The following IGFN1 variants were observed in gnomAD, a reference collection of about 807,000 sequenced individuals.
IGFN1 encodes the protein immunoglobulin like and fibronectin type III domain containing 1.
A neutral mutation model predicts 289.5 loss-of-function variants in IGFN1; 253 were observed. The observed-to-expected ratio is 0.87, with a 90% CI of 0.79 to 0.97. The LOEUF is 0.97. IGFN1 is among the 50% of genes least tolerant of loss of function. IGFN1 has a pLI of 0.00. For synonymous variants in IGFN1, 1,706 were observed against 1,788.5 expected, an observed-to-expected ratio of 0.95 and a Z score of 1.16; for missense variants, 4,470 against 4,686.1, an observed-to-expected ratio of 0.95 and a Z score of 1.35.
chr1:201,214,183 T>C lies in IGFN1; in HGVS notation c.8735T>C (p.Met2912Thr). 1.9e-6 allele frequency: 3 copies of C among 1,612,184 alleles called. No homozygotes were observed. Among genetic ancestry groups the C allele is most frequent in the Non-Finnish European group, 1.7e-6 (2 of 1,179,112 alleles). ...GSFSKDAQGP[M>T]GHFSQGLADM... Reference sequence around the variant, plus strand: ...TCCCTCTGTGTCTCTCCAGGCCCCATGGGCCACTTCTCCCAGGGCCTGGCT... The same window carrying C: ...TCCCTCTGTGTCTCTCCAGGCCCCACGGGCCACTTCTCCCAGGGCCTGGCT... Residue 2912 changes from methionine (M) to threonine (T), a missense_variant, in exon 13 of 24, where the codon ATG becomes ACG. This residue lies in a region of IGFN1 where 2,218 missense variants were observed against 2,114.1 expected (regional missense o/e 1.05). Transcript: ENST00000335211.
intron 12 of IGFN1, 32 bp downstream of exon 12, chr1:201,213,653 G>C: frequency 6.4e-7 from 1 of 1,573,528 alleles, no homozygotes; most frequent in Non-Finnish European, 8.7e-7. Flanking sequence ...TGGCTCCCAT[G>C]GGCTAGAGAC....
Position 201,225,797 on chromosome 1 carries a change from G to A in IGFN1, c.10487-27G>A, listed in dbSNP as rs777419155. ...CAGCCCTGCTGGGTCCCCTCCACGT[G>A]ACCTCCCTCTGCCGTCTCTCCTGAA... On this transcript the variant is annotated intron_variant, in intron 21 of 23. Transcript: ENST00000335211. The A allele has an allele frequency of 2.5e-6, 4 of 1,587,008 alleles. No individual in the cohort carries two copies. The South Asian group carries it at 4.6e-5, about 18-fold the overall frequency.
chr1:201,213,550 G>A lies in IGFN1; in HGVS notation c.8657G>A (p.Arg2886Lys). ...GGCAGGTTGGACATCTATGGAGAGA[G>A]GAGAGATGCTACCCGGAGTTCCACA... ...KDGRLDIYGE[R>K]RDATRSSTSR... The change falls in exon 12 of 24, where the codon AGG (arginine) becomes AAG (lysine). Residue 2886 changes from arginine to lysine, a missense_variant. Transcript: ENST00000335211. 1 of 1,614,006 alleles carries A rather than the reference G, an allele frequency of 6.2e-7. No individual in the cohort carries two copies. The highest frequency in any genetic ancestry group is 8.5e-7 in the Non-Finnish European group (1 of 1,179,936).
In IGFN1 at chr1:201,208,997, G is replaced by A. The variant is rs116214061; in HGVS notation, c.4104G>A (p.Arg1368=). ...ATAGCGGTGGTTTAAAGGGTTCCAG[G>A]GAAATCGGGTCAATGGATGAAACAG... ...ADYSGGLKGS[R]EIGSMDETDN... is the part of the protein sequence containing the mutation. Residue 1368 remains arginine (R), a synonymous_variant, in exon 12 of 24, where the codon AGG becomes AGA. Coordinates refer to ENST00000335211, the MANE Select transcript of IGFN1 (RefSeq NM_001164586.2). The A allele has an allele frequency of 0.014, 21,156 of 1,536,366 alleles. 208 individuals carry two copies. Among genetic ancestry groups the A allele is most frequent in the South Asian group, 0.019 (1,598 of 84,000 alleles).
rs1292522839 is a variant in IGFN1, at chr1:201,222,780, C to CT, written c.10244dup (p.Thr3416AspfsTer15). ...CGTGGACTCCAGCACCAAGGACTTGCTGACAGTCAAGGTCGGGGACACAGT... is the reference window on the plus strand; with the variant it reads ...CGTGGACTCCAGCACCAAGGACTTGCTTGACAGTCAAGGTCGGGGACACAGT... On this transcript the variant is annotated frameshift_variant, in exon 20 of 24. Coordinates refer to ENST00000335211, the MANE Select transcript of IGFN1 (RefSeq NM_001164586.2). LOFTEE classifies it high-confidence loss of function. The CT allele has an allele frequency of 6.2e-7, 1 of 1,613,394 alleles. No individual in the cohort carries two copies. The highest frequency in any genetic ancestry group is 8.5e-7 in the Non-Finnish European group (1 of 1,179,508).
chr1:201,204,644 G>A (rs1667318448), intron 10 of IGFN1, among the ~76,000 whole-genome samples: 1 of 152,202 alleles, frequency 6.6e-6, no homozygotes, highest in South Asian at 2.1e-4. Context: ...AGCCAGACCT[G>A]GGTGTGAATC....
At chr1:201,225,574 C>T (rs984717038) in intron 21 of IGFN1, among the ~76,000 whole-genome samples, 1 of 152,238 alleles carries the variant, frequency 6.6e-6, no homozygotes, top group African/African-American at 2.4e-5. Context: ...GCCTGGGTGA[C>T]AGAGCCAGAC....
At chr1:201,199,264 C>A in intron 5 of IGFN1, 70 bp from the exon 6 acceptor site, 1 of 1,329,084 alleles carries the variant, frequency 7.5e-7, no homozygotes, top group Non-Finnish European at 1.1e-6. Flanking sequence ...TCAGGAAGAC[C>A]ATCAACATGT....
chr1:201,225,475 C>A (rs1009228628), intron 21 of IGFN1, among the ~76,000 whole-genome samples: 6 of 152,192 alleles, frequency 3.9e-5, no homozygotes, highest in Non-Finnish European at 8.8e-5. Context: ...CGCCTGTAGT[C>A]CCAGCTACTT....
chr1:201,214,645 A>G (rs4915495), intron 13 of IGFN1, among the ~76,000 whole-genome samples: 23,911 of 151,888 alleles, frequency 0.16, 1,857 homozygotes, highest in East Asian at 0.23. Context: ...TCCCTGCACA[A>G]TCCTCTGTCC....
Position 201,216,578 on chromosome 1 carries a change from AC to A in IGFN1, c.9421del (p.Arg3141GlyfsTer9), listed in dbSNP as rs547818811. 7.6e-5 allele frequency: 123 copies of A among 1,613,628 alleles called. No individual in the cohort carries two copies. In the African/African-American group the frequency reaches 1.5e-3, roughly 20 times the overall value. On this transcript the variant is annotated frameshift_variant, in exon 16 of 24. Transcript: ENST00000335211. LOFTEE classifies it high-confidence loss of function. Reference sequence around the variant, plus strand: ...CTGTAGAGTGCTACGTGGTGGAGAGACGGCAGGCTGGCAGGAGCACTTGGCT... The same window carrying A: ...CTGTAGAGTGCTACGTGGTGGAGAGAGGCAGGCTGGCAGGAGCACTTGGCT... Reference protein sequence around the residue: ...RTVECYVVERRQAGRSTWLKV... With the variant: ...RTVECYVVERXQAGRSTWLKV...
At position 201,203,839 on chromosome 1, in the gene IGFN1, G is replaced by A; in HGVS notation, c.849G>A (p.Glu283=). Residue 283 remains glutamate, a synonymous_variant, in exon 10 of 24, where the codon GAG becomes GAA. Transcript: ENST00000335211. ...TCCAGATTCAAGACCTGAGGCCTGAGGACTCTGGCATTTACCAGGTCAAGG... is the reference window on the plus strand; with the variant it reads ...TCCAGATTCAAGACCTGAGGCCTGAAGACTCTGGCATTTACCAGGTCAAGG... The part of the protein sequence containing the change: ...YEFQIQDLRP[E]DSGIYQVKVE... The A allele has an allele frequency of 6.4e-7, 1 of 1,551,722 alleles. No homozygotes were observed. The highest frequency in any genetic ancestry group is 8.7e-7 in the Non-Finnish European group (1 of 1,147,004).
Position 201,215,827 on chromosome 1 carries a change from T to G in IGFN1, c.9284T>G (p.Leu3095Arg). 6.2e-7 allele frequency: 1 copy of G among 1,600,158 alleles called. No individual in the cohort carries two copies. The highest frequency in any genetic ancestry group is 1.1e-5 in the South Asian group (1 of 88,352). Residue 3095 changes from leucine (L) to arginine (R), a missense_variant, in exon 15 of 24, where the codon CTG becomes CGG. Coordinates refer to ENST00000335211, the MANE Select transcript of IGFN1 (RefSeq NM_001164586.2). The part of the protein sequence containing the change: ...EGGSVQAELT[L>R]QVIDKPDPPQ... The stretch of plus-strand genomic sequence containing the variant: ...GGCTCTGTGCAGGCCGAGCTCACTC[T>G]GCAAGTCATAGGTACCAGCCCTGTC...
rs1558153676 is a variant in IGFN1, at chr1:201,215,522, T to A, written c.8996-17T>A. The A allele has an allele frequency of 6.5e-7, 1 of 1,540,356 alleles. No individual in the cohort carries two copies. The highest frequency in any genetic ancestry group is 8.8e-7 in the Non-Finnish European group (1 of 1,142,178). On this transcript the variant is annotated splice_polypyrimidine_tract_variant and intron_variant, in intron 14 of 23. Coordinates refer to ENST00000335211, the MANE Select transcript of IGFN1 (RefSeq NM_001164586.2). ...CCAGTGCCCTGGTCTTCCTTGACTC[T>A]CTTGTTTTATTTCTAGATTCCCCTA... is the stretch of plus-strand genomic sequence containing the variant.
At chr1:201,194,125 C>T in intron 2 of IGFN1, 29 bp from the exon 3 acceptor site, 1 of 1,550,040 alleles carries the variant, frequency 6.5e-7, no homozygotes, top group Non-Finnish European at 8.7e-7. Flanking sequence ...GGTGGAAGGC[C>T]CCATCTCCTT....
chr1:201,216,772 G>T lies in IGFN1; in HGVS notation c.9595+19G>T. The T allele has an allele frequency of 6.4e-7, 1 of 1,574,686 alleles. No homozygotes were observed. The highest frequency in any genetic ancestry group is 1.2e-5 in the South Asian group (1 of 84,576). On this transcript the variant is annotated intron_variant, in intron 16 of 23. Coordinates refer to ENST00000335211, the MANE Select transcript of IGFN1 (RefSeq NM_001164586.2). ...CCTGAGGGTGAGAGAAAAGGCTGGG[G>T]CTGGGGGTGGGGGACACTCCTGGGC...
intron 17 of IGFN1, among the ~76,000 whole-genome samples, chr1:201,217,917 G>A (rs2102360679): frequency 6.6e-6 from 1 of 152,334 alleles, no homozygotes; most frequent in East Asian, 1.9e-4. Flanking sequence ...AAGTGGAGAG[G>A]AGGATCCCCT....
chr1:201,196,785 C>A (rs1307116540), intron 4 of IGFN1, among the ~76,000 whole-genome samples: 1 of 152,192 alleles, frequency 6.6e-6, no homozygotes, highest in Non-Finnish European at 1.5e-5. Flanking sequence ...CCAGGCCCTA[C>A]TATGTCCCAG....
chr1:201,200,806 G>T (rs927643569), intron 8 of IGFN1, among the ~76,000 whole-genome samples: 1 of 151,706 alleles, frequency 6.6e-6, no homozygotes, highest in African/African-American at 2.4e-5. Context: ...CAGATTGCGG[G>T]GGGGAGGTAC....
Sources: gnomAD v4.1 joint callset for allele counts (sites outside exome capture counted in the v4.1 genomes callset) on GRCh38, gnomAD v4.1.1 for gene constraint, gnomAD v4.1.1 regional missense constraint, MANE v1.5 for transcripts, NCBI Gene and HGNC (gene_info 2026-07-23, HGNC 2026-07-21) for gene names.